The following SLC35F4 variants were observed in gnomAD, a reference collection of about 807,000 sequenced individuals.
The protein encoded by SLC35F4 is chromosome 14 open reading frame 36.
In SLC35F4, 24 loss-of-function variants were observed where a neutral mutation model predicts 44.2. The observed-to-expected ratio is 0.54, with a 90% confidence interval of 0.39 to 0.76. SLC35F4 has a LOEUF of 0.76. Among genes scored for constraint, SLC35F4 ranks in the 30% least tolerant of loss-of-function variants. The probability of loss-of-function intolerance (pLI) is 0.00; values close to 1 mark genes in which losing one functional copy is unlikely to be tolerated. For synonymous variants in SLC35F4, 238 were observed against 223.6 expected (o/e 1.06, Z -0.57); for missense variants, 562 against 586.1 (o/e 0.96, Z 0.42).
intron 1 of SLC35F4, among the ~76,000 whole-genome samples, chr14:57,723,369 G>T (rs564593039): frequency 6.6e-6 from 1 of 152,314 alleles, no homozygotes; most frequent in African/African-American, 2.4e-5. Context: ...AAACCATATT[G>T]TATCCCTGGA....
At chr14:57,696,976 C>A (rs1232672874) in intron 1 of SLC35F4, among the ~76,000 whole-genome samples, 1 of 152,122 alleles carries the variant, frequency 6.6e-6, no homozygotes, top group Non-Finnish European at 1.5e-5. Flanking sequence ...GCATGTAGGA[C>A]TTAAACCCTA....
chr14:57,765,015 T>C (rs745738910), intron 1 of SLC35F4, among the ~76,000 whole-genome samples: 5 of 152,194 alleles, frequency 3.3e-5, no homozygotes, highest in Non-Finnish European at 7.3e-5. Context: ...AAAAGAAATA[T>C]ACATTGAGTG....
At chr14:57,688,151 T>A (rs1057037629) in intron 1 of SLC35F4, among the ~76,000 whole-genome samples, 12 of 151,880 alleles carry the variant, frequency 7.9e-5, no homozygotes, top group Non-Finnish European at 8.8e-5. Context: ...AAGGATGGGT[T>A]ACTAATGAGG....
chr14:57,594,073 C>A lies in SLC35F4; in HGVS notation c.155G>T (p.Ser52Ile), dbSNP rs202016686. 9.2e-5 allele frequency: 148 copies of A among 1,613,888 alleles called. No individual in the cohort carries two copies. In the East Asian group the frequency reaches 3.1e-3, roughly 34 times the overall value. The change falls in exon 2 of 8, where the codon AGT becomes ATT. Residue 52 changes from serine (S) to isoleucine (I), a missense_variant. Transcript: ENST00000556826. ...TTGTCTACTGATGCCACTGTGTGAA[C>A]TGGGGCAGTTGGCTCCTGGTTTACA... ...TRCKPGANCPSSHSGISRQLS... is the reference protein window; with the variant it reads ...TRCKPGANCPISHSGISRQLS...
At chr14:57,797,834 G>A (rs1411176707) in intron 1 of SLC35F4, among the ~76,000 whole-genome samples, 4 of 152,058 alleles carry the variant, frequency 2.6e-5, no homozygotes, top group African/African-American at 7.2e-5. Flanking sequence ...TTGACAGTAT[G>A]GGGAAGGTAC....
At chr14:57,581,509 T>C (rs2069255418) in intron 3 of SLC35F4, 76 bp from the exon 4 acceptor site, 1 of 1,324,850 alleles carries the variant, frequency 7.5e-7, no homozygotes, top group East Asian at 2.5e-5. Flanking sequence ...ATCGCAGCCA[T>C]TTTCAGGTAA....
intron 1 of SLC35F4, among the ~76,000 whole-genome samples, chr14:57,713,503 A>G (rs994123263): frequency 2.6e-5 from 4 of 152,128 alleles, no homozygotes; most frequent in African/African-American, 9.7e-5. Flanking sequence ...TACACCATCA[A>G]ACATTTTATT....
At chr14:57,822,939 G>T (rs368573016) in intron 1 of SLC35F4, among the ~76,000 whole-genome samples, 1 of 151,972 alleles carries the variant, frequency 6.6e-6, no homozygotes, top group East Asian at 1.9e-4. Context: ...GTGTTCCCAG[G>T]CATCAAAAAA....
At chr14:57,775,028 G>A (rs1013369831) in intron 1 of SLC35F4, among the ~76,000 whole-genome samples, 1 of 151,822 alleles carries the variant, frequency 6.6e-6, no homozygotes, top group Non-Finnish European at 1.5e-5. Flanking sequence ...CACCATAGTG[G>A]CCACACTGCC....
At chr14:57,636,767 T>C (rs1427450558) in intron 1 of SLC35F4, among the ~76,000 whole-genome samples, 2 of 152,134 alleles carry the variant, frequency 1.3e-5, no homozygotes, top group African/African-American at 4.8e-5. Flanking sequence ...TTAAAATTAT[T>C]TGCTGTTCAT....
At chr14:57,929,348 CT>C (rs780711058) in intron 1 of SLC35F4, among the ~76,000 whole-genome samples, 2 of 151,950 alleles carry the variant, frequency 1.3e-5, no homozygotes, top group African/African-American at 4.8e-5. Flanking sequence ...TAAAATGTTT[CT>C]TCTAAACATT....
chr14:57,873,180 T>C (rs1888329845), intron 1 of SLC35F4, among the ~76,000 whole-genome samples: 1 of 152,162 alleles, frequency 6.6e-6, no homozygotes, highest in Non-Finnish European at 1.5e-5. Flanking sequence ...CAGAACTTCG[T>C]ATGTCCCCCT....
At position 57,566,546 on chromosome 14, in the gene SLC35F4, T is replaced by G; in HGVS notation, c.1145A>C (p.Asn382Thr). 1 of 1,600,970 alleles carries G rather than the reference T, an allele frequency of 6.2e-7. No individual in the cohort carries two copies. The highest frequency in any genetic ancestry group is 8.5e-7 in the Non-Finnish European group (1 of 1,173,776). ...TGGGTATGTCAGCACCACCCCAACA[T>G]TCACCAGGATGTTGAAGGCTGTAAA... The part of the protein sequence containing the change: ...GLWLAFNILV[N>T]VGVVLTYPIL... The change falls in exon 7 of 8, where the codon AAT (asparagine) becomes ACT (threonine). Residue 382 changes from asparagine to threonine, a missense_variant. Asn to Thr is a moderately conservative substitution (Grantham distance 65). Coordinates refer to ENST00000556826, the MANE Select transcript of SLC35F4 (RefSeq NM_001306087.2).
At chr14:57,673,427 C>A (rs559988115) in intron 1 of SLC35F4, among the ~76,000 whole-genome samples, 1 of 152,148 alleles carries the variant, frequency 6.6e-6, no homozygotes, top group East Asian at 1.9e-4. Flanking sequence ...GTATAATTTC[C>A]CAGATCTGTA....
At chr14:57,910,326 T>C (rs75802973) in intron 1 of SLC35F4, among the ~76,000 whole-genome samples, 2,880 of 152,216 alleles carry the variant, frequency 0.019, 93 homozygotes, top group African/African-American at 0.061. Flanking sequence ...TATCAATTAC[T>C]TCTTTCATGT....
At chr14:57,772,905 A>C (rs2077402475) in intron 1 of SLC35F4, among the ~76,000 whole-genome samples, 1 of 152,166 alleles carries the variant, frequency 6.6e-6, no homozygotes, top group Non-Finnish European at 1.5e-5. Flanking sequence ...TGGTAGTTCT[A>C]TTTTTAGTTC....
intron 1 of SLC35F4, among the ~76,000 whole-genome samples, chr14:57,748,391 A>G (rs1202911646): frequency 6.6e-6 from 1 of 152,156 alleles, no homozygotes; most frequent in Non-Finnish European, 1.5e-5. Flanking sequence ...GTTTCAATAC[A>G]GGGATCCCTC....
chr14:57,791,842 T>C (rs2077926865), intron 1 of SLC35F4, among the ~76,000 whole-genome samples: 1 of 152,138 alleles, frequency 6.6e-6, no homozygotes, highest in Non-Finnish European at 1.5e-5. Flanking sequence ...GAAACCATCA[T>C]TCTCAGCAAA....
chr14:57,776,804 T>A (rs1398320905), intron 1 of SLC35F4, among the ~76,000 whole-genome samples: 1 of 152,006 alleles, frequency 6.6e-6, no homozygotes. Flanking sequence ...ATATTCAAGA[T>A]TCTTAAAGAA....
Sources: allele counts gnomAD v4.1 joint callset (sites outside exome capture counted in the v4.1 genomes callset), GRCh38; gene constraint gnomAD v4.1.1; transcripts MANE v1.5; gene names NCBI Gene and HGNC (gene_info 2026-07-23, HGNC 2026-07-21).